The following MCC variants were observed in gnomAD, a reference collection of about 807,000 sequenced individuals.
MCC encodes the protein MCC regulator of Wnt signaling pathway.
A neutral mutation model predicts 116.2 loss-of-function variants in MCC; 90 were observed. The observed-to-expected ratio is 0.77, with a 90% confidence interval of 0.65 to 0.92. MCC has a LOEUF of 0.92. Among genes scored for constraint, MCC ranks in the 40% least tolerant of loss-of-function variants. MCC has a pLI of 0.00. For synonymous variants in MCC, 578 were observed against 510.5 expected (o/e 1.13, Z -1.78); for missense variants, 1,516 against 1,312.2 (o/e 1.16, Z -2.40).
chr5:113,453,159 G>A (rs1420523027), intron 1 of MCC, among the ~76,000 whole-genome samples: 1 of 151,982 alleles, frequency 6.6e-6, no homozygotes, highest in Admixed American at 6.6e-5. Flanking sequence ...CATGTTCGGT[G>A]GTCACCCAAT....
chr5:113,029,090 G>C, intron 17 of MCC, 34 bp from the exon 18 acceptor site: 3 of 1,587,550 alleles, frequency 1.9e-6, no homozygotes, highest in Non-Finnish European at 2.6e-6. Flanking sequence ...GCCAGGAGTA[G>C]TTTGAGATGA....
intron 1 of MCC, among the ~76,000 whole-genome samples, chr5:113,429,697 C>G (rs1364439234): frequency 6.6e-6 from 1 of 152,060 alleles, no homozygotes. Context: ...TGGTGGTGTT[C>G]TGTTCAGGGT....
intron 2 of MCC, among the ~76,000 whole-genome samples, chr5:113,354,117 A>C (rs2150382974): frequency 6.6e-6 from 1 of 152,276 alleles, no homozygotes; most frequent in Non-Finnish European, 1.5e-5. Context: ...CTGCCATCCA[A>C]GGGTCAGCAA....
intron 3 of MCC, among the ~76,000 whole-genome samples, chr5:113,276,074 GC>G (rs1202104588): frequency 6.6e-6 from 1 of 151,478 alleles, no homozygotes; most frequent in Non-Finnish European, 1.5e-5. Flanking sequence ...GGCCACAGTG[GC>G]CACATTGATT....
chr5:113,451,463 G>A (rs756431206), intron 1 of MCC, among the ~76,000 whole-genome samples: 6 of 152,170 alleles, frequency 3.9e-5, no homozygotes, highest in Non-Finnish European at 7.3e-5. Context: ...GGCTGGGTGC[G>A]GTGACTCATG....
At chr5:113,073,715 G>T (rs530108227) in intron 11 of MCC, among the ~76,000 whole-genome samples, 1 of 148,858 alleles carries the variant, frequency 6.7e-6, no homozygotes, top group East Asian at 2.0e-4. Context: ...TCAGATGCCT[G>T]CCCTGACTAC....
At chr5:113,121,426 T>C (rs1347414898) in intron 6 of MCC, among the ~76,000 whole-genome samples, 2 of 152,132 alleles carry the variant, frequency 1.3e-5, no homozygotes, top group Admixed American at 1.3e-4. Flanking sequence ...CTCTCACACC[T>C]CTGTGTCCTC....
At chr5:113,151,800 T>C (rs371614956) in intron 3 of MCC, among the ~76,000 whole-genome samples, 1 of 152,162 alleles carries the variant, frequency 6.6e-6, no homozygotes, top group South Asian at 2.1e-4. Flanking sequence ...CCATATTAAT[T>C]TTCACCTTCG....
intron 12 of MCC, among the ~76,000 whole-genome samples, chr5:113,068,556 C>A (rs761755881): frequency 6.6e-6 from 1 of 152,220 alleles, no homozygotes; most frequent in Non-Finnish European, 1.5e-5. Flanking sequence ...CCCATCTGCA[C>A]TGTACCAGGG....
intron 3 of MCC, among the ~76,000 whole-genome samples, chr5:113,175,047 G>C (rs1192175083): frequency 6.6e-6 from 1 of 152,164 alleles, no homozygotes; most frequent in Non-Finnish European, 1.5e-5. Context: ...GGTTAAGGAG[G>C]AAGACAGAAA....
intron 2 of MCC, among the ~76,000 whole-genome samples, chr5:113,363,113 ACTAAAAATAC>A (rs1236906875): frequency 1.3e-5 from 2 of 152,076 alleles, no homozygotes; most frequent in African/African-American, 4.8e-5. Context: ...CCCTATCTCT[ACTAAAAATAC>A]AAAAATTAGC....
intron 3 of MCC, among the ~76,000 whole-genome samples, chr5:113,225,562 C>T (rs1235375891): frequency 1.3e-5 from 2 of 152,316 alleles, no homozygotes; most frequent in Non-Finnish European, 1.5e-5. Flanking sequence ...CACCCTCATA[C>T]AGCCTGAACT....
intron 1 of MCC, among the ~76,000 whole-genome samples, chr5:113,460,204 A>G (rs1771706733): frequency 6.6e-6 from 1 of 152,148 alleles, no homozygotes; most frequent in African/African-American, 2.4e-5. Flanking sequence ...AGCTTTGGGG[A>G]ATATCATACA....
chr5:113,266,319 G>A (rs1290684302), intron 3 of MCC, among the ~76,000 whole-genome samples: 1 of 151,776 alleles, frequency 6.6e-6, no homozygotes, highest in Admixed American at 6.6e-5. Flanking sequence ...ATTCAGACTA[G>A]ATATTCACTC....
intron 3 of MCC, among the ~76,000 whole-genome samples, chr5:113,240,584 A>T (rs1764327066): frequency 6.6e-6 from 1 of 152,180 alleles, no homozygotes; most frequent in Admixed American, 6.5e-5. Context: ...CTTCTTTAAT[A>T]CATCAGTGGC....
intron 5 of MCC, among the ~76,000 whole-genome samples, chr5:113,133,538 C>A (rs757955643): frequency 4.6e-5 from 7 of 151,690 alleles, no homozygotes; most frequent in African/African-American, 1.7e-4. Context: ...TTGATAGGCA[C>A]TGATATTGAT....
chr5:113,379,059 A>G (rs766116019), intron 2 of MCC, among the ~76,000 whole-genome samples: 1 of 152,204 alleles, frequency 6.6e-6, no homozygotes, highest in Non-Finnish European at 1.5e-5. Context: ...TGCCAACAAG[A>G]TGGGCTTTCA....
chr5:113,138,775 TTC>T (rs1759001222), intron 5 of MCC, among the ~76,000 whole-genome samples: 1 of 152,162 alleles, frequency 6.6e-6, no homozygotes, highest in Non-Finnish European at 1.5e-5. Context: ...AAGAATATGG[TTC>T]TCTCTTTTCC....
At chr5:113,115,059 T>C (rs563070613) in intron 6 of MCC, among the ~76,000 whole-genome samples, 2 of 151,094 alleles carry the variant, frequency 1.3e-5, no homozygotes, top group Non-Finnish European at 2.9e-5. Context: ...AAGAGCACTG[T>C]AACACATGCC....
Sources: gnomAD v4.1 joint callset for allele counts (sites outside exome capture counted in the v4.1 genomes callset) on GRCh38, gnomAD v4.1.1 for gene constraint, MANE v1.5 for transcripts, NCBI Gene and HGNC (gene_info 2026-07-23, HGNC 2026-07-21) for gene names.